Variants in CELF2 observed in about 807,000 individuals in gnomAD.
CELF2 encodes CUG triplet repeat RNA-binding protein 2.
Under a neutral mutation model 62.6 loss-of-function variants are expected in CELF2, and 8 were observed. That is an observed-to-expected ratio of 0.13 (90% CI 0.07 to 0.23). CELF2 has a LOEUF of 0.23. CELF2 is among the 10% of genes least tolerant of loss of function. The pLI, the probability that CELF2 is intolerant of heterozygous loss-of-function variation, is 1.00. For missense variants in CELF2, 333 were observed against 671.0 expected (o/e 0.50, Z 5.56); for synonymous variants, 258 against 250.0 (o/e 1.03, Z -0.30).
intron 1 of CELF2, among the ~76,000 whole-genome samples, chr10:10,848,174 A>G (rs1261818762): frequency 6.6e-6 from 1 of 152,218 alleles, no homozygotes; most frequent in African/African-American, 2.4e-5. Flanking sequence ...CCTTTTAAAC[A>G]AGTACATTTT....
At chr10:10,704,125 A>T in the CELF2 span, among the ~76,000 whole-genome samples, 12 of 152,220 alleles carry the variant, frequency 7.9e-5, no homozygotes, top group Admixed American at 2.0e-4. Flanking sequence ...ATGTCTGAGC[A>T]AAGATTTAAT....
chr10:11,289,023 T>G lies in CELF2; in HGVS notation c.976+471T>G, dbSNP rs188450434. On this transcript the variant is annotated intron_variant, in intron 9 of 12. Transcript: ENST00000633077. ...ATCCACGGTCCAGTAAGGAACATGT[T>G]TGCTCATTTCTGGTCAGGCTCTGGG... Among the ~76,000 whole-genome samples, 10 of 152,346 alleles carry G rather than the reference T, an allele frequency of 6.6e-5. 1 individual carries two copies. The East Asian group carries it at 1.9e-3, about 29-fold the overall frequency.
At chr10:10,869,836 C>T (rs2060623514) in intron 1 of CELF2, among the ~76,000 whole-genome samples, 1 of 152,044 alleles carries the variant, frequency 6.6e-6, no homozygotes, top group African/African-American at 2.4e-5. Context: ...AATTAAATAG[C>T]TGAATGCGGT....
chr10:10,604,392 C>T, the CELF2 span, among the ~76,000 whole-genome samples: 42,895 of 151,980 alleles, frequency 0.28, 6,412 homozygotes, highest in South Asian at 0.51. Flanking sequence ...TTGAAATCAT[C>T]AGGTTCTATG....
chr10:11,240,352 T>C (rs868658248), intron 3 of CELF2, among the ~76,000 whole-genome samples: 1 of 152,258 alleles, frequency 6.6e-6, no homozygotes, highest in Admixed American at 6.5e-5. Flanking sequence ...CAGTGTACTT[T>C]TTTGCACTAT....
chr10:10,671,791 G>A, the CELF2 span, among the ~76,000 whole-genome samples: 2 of 151,762 alleles, frequency 1.3e-5, no homozygotes, highest in Admixed American at 6.6e-5. Flanking sequence ...GTGCAGTGGT[G>A]CAATCTCAGC....
the CELF2 span, among the ~76,000 whole-genome samples, chr10:10,522,243 A>T: frequency 6.6e-6 from 1 of 152,228 alleles, no homozygotes. Context: ...CAAGATATCG[A>T]AAGTAGCAGC....
intron 1 of CELF2, among the ~76,000 whole-genome samples, chr10:11,141,064 C>A (rs1454802947): frequency 6.6e-6 from 1 of 152,184 alleles, no homozygotes; most frequent in Non-Finnish European, 1.5e-5. Flanking sequence ...TAGAGTCATT[C>A]ATTGAGTACA....
chr10:10,792,851 T>G, the CELF2 span, among the ~76,000 whole-genome samples: 4 of 152,210 alleles, frequency 2.6e-5, no homozygotes, highest in Non-Finnish European at 2.9e-5. Context: ...TTGAATGGTA[T>G]GAAAAGCAGC....
At chr10:10,590,087 T>G in the CELF2 span, among the ~76,000 whole-genome samples, 1 of 152,174 alleles carries the variant, frequency 6.6e-6, no homozygotes, top group Non-Finnish European at 1.5e-5. Context: ...GGGTTTTATT[T>G]GCCTCCAGGG....
At chr10:10,852,375 A>G (rs2059436472) in intron 1 of CELF2, among the ~76,000 whole-genome samples, 1 of 152,248 alleles carries the variant, frequency 6.6e-6, no homozygotes, top group Non-Finnish European at 1.5e-5. Flanking sequence ...TCATTCACAG[A>G]AAATTGTTGA....
the CELF2 span, among the ~76,000 whole-genome samples, chr10:10,684,736 C>G: frequency 6.6e-6 from 1 of 152,000 alleles, no homozygotes; most frequent in East Asian, 1.9e-4. Context: ...AGAGCAGGAC[C>G]CTGTCTCAAC....
chr10:10,640,842 G>T, the CELF2 span, among the ~76,000 whole-genome samples: 2 of 152,080 alleles, frequency 1.3e-5, no homozygotes, highest in Admixed American at 6.6e-5. Flanking sequence ...GCTCTTCATC[G>T]CATGGCTGCA....
At chr10:11,250,417 C>T (rs377124086) in intron 4 of CELF2, among the ~76,000 whole-genome samples, 1 of 152,244 alleles carries the variant, frequency 6.6e-6, no homozygotes, top group Non-Finnish European at 1.5e-5. Flanking sequence ...CTCAGCCCTG[C>T]ACTTTACTTA....
chr10:10,982,761 C>A (rs2136431143), intron 2 of CELF2, among the ~76,000 whole-genome samples: 1 of 152,292 alleles, frequency 6.6e-6, no homozygotes, highest in African/African-American at 2.4e-5. Context: ...TTCTCCCAAC[C>A]ATGTTAAGTC....
At chr10:10,792,868 G>A in the CELF2 span, among the ~76,000 whole-genome samples, 1 of 152,108 alleles carries the variant, frequency 6.6e-6, no homozygotes, top group Non-Finnish European at 1.5e-5. Flanking sequence ...CAGCTGGCTG[G>A]GTGTGAGTCT....
At chr10:11,058,050 G>T (rs1161869653) in intron 1 of CELF2, among the ~76,000 whole-genome samples, 1 of 149,352 alleles carries the variant, frequency 6.7e-6, no homozygotes, top group Non-Finnish European at 1.5e-5. Flanking sequence ...CAACCAAATG[G>T]GAATAGATTA....
At position 11,156,749 on chromosome 10, in the gene CELF2, G is replaced by T. The variant is rs1016347079; in HGVS notation, c.75-8737G>T. On this transcript the variant is annotated intron_variant, in intron 1 of 12. Transcript: ENST00000633077. This position sits in a 1 kb window ranked among gnomAD's most constrained non-coding sequence, Gnocchi z 4.3. ...TGAATCGCTGTTTCTGAGGTTCCGC[G>T]GTCAGAGAAGGGAAAGGCCAGAGCA... 1.1e-4 allele frequency among the ~76,000 whole-genome samples: 17 copies of T among 152,108 alleles called. No individual in the cohort carries two copies. The highest frequency in any genetic ancestry group is 4.1e-4 in the African/African-American group (17 of 41,414).
chr10:10,676,582 C>T, the CELF2 span, among the ~76,000 whole-genome samples: 1 of 152,152 alleles, frequency 6.6e-6, no homozygotes, highest in East Asian at 1.9e-4. Flanking sequence ...TGGGGTTCCC[C>T]TAGAGCTTTT....
Sources: gnomAD v4.1 joint callset for allele counts (sites outside exome capture counted in the v4.1 genomes callset) on GRCh38, gnomAD v4.1.1 for gene constraint, Gnocchi (gnomAD v3.1) non-coding constraint, MANE v1.5 for transcripts, NCBI Gene and HGNC (gene_info 2026-07-23, HGNC 2026-07-21) for gene names.